Variants in TOPORS observed in about 807,000 individuals in gnomAD.
TOPORS encodes E3 ubiquitin-protein ligase Topors.
A neutral mutation model predicts 81.4 loss-of-function variants in TOPORS; 25 were observed. That is an observed-to-expected ratio of 0.31 (90% CI 0.22 to 0.43). The LOEUF (loss-of-function observed/expected upper bound fraction) is 0.43, where lower values mean the gene tolerates loss of function less well. Ranked by LOEUF, TOPORS falls within the 20% of genes least tolerant of loss-of-function variation. The pLI is 1.00. For missense variants in TOPORS, 1,101 were observed against 1,267.0 expected (o/e 0.87, Z 1.99); for synonymous variants, 473 against 456.6 (o/e 1.04, Z -0.46).
At chr9:32,547,335 C>T (rs1435532136) in intron 2 of TOPORS, among the ~76,000 whole-genome samples, 2 of 152,068 alleles carry the variant, frequency 1.3e-5, no homozygotes, top group Non-Finnish European at 1.5e-5. Flanking sequence ...ACATATGACC[C>T]GGCAATTACA....
At chr9:32,551,038 C>T in intron 1 of TOPORS, 70 bp from the exon 2 acceptor site, 1 of 1,547,678 alleles carries the variant, frequency 6.5e-7, no homozygotes, top group Admixed American at 1.8e-5. Flanking sequence ...CACCCCCCAG[C>T]TCCCGCGCAT....
At chr9:32,552,113 A>G (rs2118985820) in intron 1 of TOPORS, 1 of 560,652 alleles carries the variant, frequency 1.8e-6, no homozygotes, top group Non-Finnish European at 3.2e-6. Flanking sequence ...CTTATCCTGC[A>G]TTAATATTGC....
rs890075945 is a variant in TOPORS, at chr9:32,540,785, T to A, written c.*602A>T. ...AAAATGTCTGATTCTTGTTTTAAAG[T>A]GTTACTGTTTTATTTTTTTTCTTTT... On this transcript the variant is annotated 3_prime_UTR_variant, in exon 3 of 3. Coordinates refer to ENST00000360538, the MANE Select transcript of TOPORS (RefSeq NM_005802.5). 3 of 152,656 alleles carry A rather than the reference T, an allele frequency of 2.0e-5. No individual in the cohort carries two copies. Among genetic ancestry groups the A allele is most frequent in the Non-Finnish European group, 4.4e-5 (3 of 68,048 alleles). The allele number at this position is 152,656 out of a possible 1,614,324, so 9.5% of individuals were successfully genotyped here.
chr9:32,541,229 A>G lies in TOPORS; in HGVS notation c.*158T>C. On this transcript the variant is annotated 3_prime_UTR_variant, in exon 3 of 3. Coordinates refer to ENST00000360538, the MANE Select transcript of TOPORS (RefSeq NM_005802.5). ...GGACATACATTTTGAACAAATAATG[A>G]TTTTTACAAATTAACACCAAAAAAA... is the stretch of plus-strand genomic sequence containing the variant. 1 of 745,916 alleles carries G rather than the reference A, an allele frequency of 1.3e-6. No individual in the cohort carries two copies. The highest frequency in any genetic ancestry group is 1.9e-5 in the South Asian group (1 of 51,788). 46.2% of individuals were successfully genotyped at this position (745,916 alleles called of 1,614,324 possible).
At chr9:32,550,507 T>C (rs188561295) in intron 2 of TOPORS, among the ~76,000 whole-genome samples, 234 of 152,326 alleles carry the variant, frequency 1.5e-3, no homozygotes, top group Middle Eastern at 6.8e-3. Flanking sequence ...CTTTTTTGCT[T>C]TTCCCTGAGA....
At chr9:32,548,367 C>T (rs1821170170) in intron 2 of TOPORS, among the ~76,000 whole-genome samples, 1 of 150,926 alleles carries the variant, frequency 6.6e-6, no homozygotes, top group South Asian at 2.1e-4. Flanking sequence ...CTACTAAAAA[C>T]ACAAAAATTC....
At chr9:32,545,922 T>TC (rs1405612820) in intron 2 of TOPORS, among the ~76,000 whole-genome samples, 1 of 152,194 alleles carries the variant, frequency 6.6e-6, no homozygotes, top group Non-Finnish European at 1.5e-5. Flanking sequence ...CTCATTGGCC[T>TC]TAACAAACTA....
In TOPORS at chr9:32,550,876, G is replaced by A. The variant is rs773388385; in HGVS notation, c.96C>T (p.Arg32=). ...GGCAGGATCCGCGAAGGCGTACCCGGCGACTTCTCCGCCTACCCTCCGAAG... is the reference window on the plus strand; with the variant it reads ...GGCAGGATCCGCGAAGGCGTACCCGACGACTTCTCCGCCTACCCTCCGAAG... The part of the protein sequence containing the change: ...APASEGRRRS[R]RVRLRGSCRH... The change falls in exon 2 of 3, where the codon CGC becomes CGT. Residue 32 remains arginine, a synonymous_variant. Coordinates refer to ENST00000360538, the MANE Select transcript of TOPORS (RefSeq NM_005802.5). 3.7e-6 allele frequency: 6 copies of A among 1,612,984 alleles called. No individual in the cohort carries two copies. The highest frequency in any genetic ancestry group is 5.1e-6 in the Non-Finnish European group (6 of 1,179,806).
chr9:32,542,472 T>C lies in TOPORS; in HGVS notation c.2053A>G (p.Arg685Gly), dbSNP rs1821080683. Residue 685 changes from arginine (R) to glycine (G), a missense_variant, in exon 3 of 3, where the codon AGA becomes GGA. Physicochemically the swap from Arg to Gly is moderately radical, Grantham distance 125. Around this residue, in one of 9 missense-constraint regions of TOPORS, gnomAD observed 605 missense variants for 636.1 expected, o/e 0.95. Coordinates refer to ENST00000360538, the MANE Select transcript of TOPORS (RefSeq NM_005802.5). ...SDHGKRRSRS[R>G]NRDRYYLRNN... is the part of the protein sequence containing the mutation. ...CTTAAATAATAACGATCTCTATTTC[T>C]GCTCCGTGATCTTCTTTTACCATGA... 3 of 1,613,796 alleles carry C rather than the reference T, an allele frequency of 1.9e-6. No homozygotes were observed. The highest frequency in any genetic ancestry group is 1.6e-4 in the Middle Eastern group (1 of 6,062).
chr9:32,544,750 TAAAA>T (rs74736481), intron 2 of TOPORS, among the ~76,000 whole-genome samples: 1 of 145,934 alleles, frequency 6.9e-6, no homozygotes, highest in Admixed American at 6.8e-5. Flanking sequence ...ATCTGACATA[TAAAA>T]AAAAAAAGTA....
Position 32,543,300 on chromosome 9 carries a change from C to T in TOPORS, c.1225G>A (p.Ala409Thr). 6.2e-7 allele frequency: 1 copy of T among 1,614,014 alleles called. No homozygotes were observed. The highest frequency in any genetic ancestry group is 8.5e-7 in the Non-Finnish European group (1 of 1,180,014). The change falls in exon 3 of 3, where the codon GCC becomes ACC. Residue 409 changes from alanine (A) to threonine (T), a missense_variant. Ala to Thr is a moderately conservative substitution (Grantham distance 58). Transcript: ENST00000360538. The surrounding 1 kb of genome is among the most constrained non-coding windows in gnomAD (Gnocchi z 5.6). Reference protein sequence around the residue: ...AETQELDINVATVSQAPWDDE... With the variant: ...AETQELDINVTTVSQAPWDDE... ...TCCCATGGTGCCTGACTAACAGTGG[C>T]TACATTAATATCCAGCTCTTGGGTC...
Position 32,543,590 on chromosome 9 carries a change from C to A in TOPORS, c.935G>T (p.Gly312Val), listed in dbSNP as rs1289595482. ...ATGCTGGACAATATTCACTAAAGATCCATGAGCTCCAAAAAGAACTGTAAG... is the reference window on the plus strand; with the variant it reads ...ATGCTGGACAATATTCACTAAAGATACATGAGCTCCAAAAAGAACTGTAAG... ...RELTVLFGAH[G>V]SLVNIVQHII... is the part of the protein sequence containing the mutation. The change falls in exon 3 of 3, where the codon GGA becomes GTA. Residue 312 changes from glycine (G) to valine (V), a missense_variant. Physicochemically the swap from Gly to Val is moderately radical, Grantham distance 109. This residue lies in a region of TOPORS where 69 missense variants were observed against 153.6 expected (regional missense o/e 0.45). Transcript: ENST00000360538. The surrounding 1 kb of genome is among the most constrained non-coding windows in gnomAD (Gnocchi z 5.6). 1.2e-5 allele frequency: 20 copies of A among 1,612,022 alleles called. No individual in the cohort carries two copies. Among genetic ancestry groups the A allele is most frequent in the Non-Finnish European group, 1.6e-5 (19 of 1,178,942 alleles).
intron 1 of TOPORS, chr9:32,551,210 C>T: frequency 1.7e-6 from 1 of 602,630 alleles, no homozygotes; most frequent in South Asian, 1.9e-5. Flanking sequence ...TACTCAGCCA[C>T]TGGGGACACT....
intron 2 of TOPORS, 137 bp downstream of exon 2, chr9:32,550,637 C>T: frequency 1.0e-6 from 1 of 962,440 alleles, no homozygotes; most frequent in Non-Finnish European, 1.5e-6. Context: ...GGGGCCCTGG[C>T]CCTGGCCCGC....
At chr9:32,547,804 C>T (rs35763859) in intron 2 of TOPORS, among the ~76,000 whole-genome samples, 1 of 151,936 alleles carries the variant, frequency 6.6e-6, no homozygotes, top group Non-Finnish European at 1.5e-5. Flanking sequence ...AAACTTTAAA[C>T]GGGTGAACTT....
chr9:32,552,196 A>AC, intron 1 of TOPORS: 2 of 597,808 alleles, frequency 3.3e-6, no homozygotes, highest in Non-Finnish European at 5.9e-6. Context: ...AAAAAAAGCA[A>AC]TTTTTAACAT....
chr9:32,551,313 T>C, intron 1 of TOPORS: 3 of 452,718 alleles, frequency 6.6e-6, no homozygotes, highest in Non-Finnish European at 8.2e-6. Flanking sequence ...CTTAGGAAAT[T>C]ATCTTTAGTG....
intron 1 of TOPORS, chr9:32,551,773 C>A (rs1283015916): frequency 6.6e-6 from 3 of 451,316 alleles, no homozygotes; most frequent in Non-Finnish European, 8.9e-6. Flanking sequence ...ACACGCTCAA[C>A]AAACACTTGT....
chr9:32,545,589 T>C (rs1256563832), intron 2 of TOPORS, among the ~76,000 whole-genome samples: 2 of 151,848 alleles, frequency 1.3e-5, no homozygotes, highest in Admixed American at 1.3e-4. Flanking sequence ...TGTGAAACCT[T>C]GTCTCTACTA....
Sources: allele counts gnomAD v4.1 joint callset (sites outside exome capture counted in the v4.1 genomes callset), GRCh38; gene constraint gnomAD v4.1.1; regional missense constraint gnomAD v4.1.1; non-coding constraint Gnocchi (gnomAD v3.1); transcripts MANE v1.5; gene names NCBI Gene and HGNC (gene_info 2026-07-23, HGNC 2026-07-21).